EIF4E2: variants seen among roughly 807,000 people sequenced by gnomAD.
EIF4E2 encodes eukaryotic translation initiation factor 4E type 2.
A neutral mutation model predicts 34.2 loss-of-function variants in EIF4E2; 13 were observed. That is an observed-to-expected ratio of 0.38 (90% CI 0.25 to 0.60). The LOEUF (loss-of-function observed/expected upper bound fraction) is 0.60. Ranked by LOEUF, EIF4E2 falls within the 20% of genes least tolerant of loss-of-function variation. The pLI, the probability that EIF4E2 is intolerant of heterozygous loss-of-function variation, is 0.62. For missense variants in EIF4E2, 222 were observed against 315.1 expected (o/e 0.70, Z 2.24); for synonymous variants, 100 against 106.6 (o/e 0.94, Z 0.38).
At chr2:232,562,790 G>A (rs905734545) in intron 3 of EIF4E2, among the ~76,000 whole-genome samples, 1 of 152,206 alleles carries the variant, frequency 6.6e-6, no homozygotes, top group Non-Finnish European at 1.5e-5. Flanking sequence ...ATTCAACTAT[G>A]TTAGGGTGGA....
rs142557943 is a variant in EIF4E2 at position 232,564,239 on chromosome 2, C to T, written c.271-8C>T. 5.5e-4 allele frequency: 874 copies of T among 1,577,328 alleles called. 3 individuals carry two copies. The African/African-American group carries it at 0.011, about 19-fold the overall frequency. ...CATGTTTTTTACTCTGGGGTCTTCT[C>T]TCTGCAGGTGGAGCAGTTCTGGAGG... On this transcript the variant is annotated splice_polypyrimidine_tract_variant and splice_region_variant and intron_variant, in intron 3 of 6. Coordinates refer to ENST00000258416, the MANE Select transcript of EIF4E2 (RefSeq NM_004846.4).
At chr2:232,574,173 A>AG, downstream of EIF4E2, 1 of 1,323,984 alleles carries the variant, frequency 7.6e-7, no homozygotes, top group Non-Finnish European at 1.1e-6. Context: ...GGGCATCTGA[A>AG]GGGGGATGTG....
At chr2:232,579,997 G>A (rs963810451) in intron 6 of EIF4E2, among the ~76,000 whole-genome samples, 10 of 151,860 alleles carry the variant, frequency 6.6e-5, no homozygotes, top group African/African-American at 2.4e-4. Flanking sequence ...GGGTGGGACA[G>A]GAAAAGTCAC....
rs1269493060 is a variant in EIF4E2 at position 232,566,547 on chromosome 2, T to G, written c.376-282T>G. Among the ~76,000 whole-genome samples the G allele has an allele frequency of 1.3e-5, 2 of 152,220 alleles. No individual in the cohort carries two copies. The highest frequency in any genetic ancestry group is 2.9e-5 in the Non-Finnish European group (2 of 68,036). On this transcript the variant is annotated intron_variant, in intron 4 of 6. Coordinates refer to ENST00000258416, the MANE Select transcript of EIF4E2 (RefSeq NM_004846.4). The surrounding 1 kb of genome is among the most constrained non-coding windows in gnomAD (Gnocchi z 4.9). Reference sequence around the variant, plus strand: ...ATCTGTGCTTGAAATATGACATCATTTCGTTTTGATTCCTAAAGTATTTCC... The same window carrying G: ...ATCTGTGCTTGAAATATGACATCATGTCGTTTTGATTCCTAAAGTATTTCC...
exon 7 of EIF4E2, chr2:232,582,216 CAA>C (rs1292217522): frequency 6.6e-6 from 1 of 152,594 alleles, no homozygotes; most frequent in Non-Finnish European, 1.5e-5. Context: ...CTCTTGTGAG[CAA>C]AGACTGCAGT....
At position 232,581,262 on chromosome 2, in the gene EIF4E2, C is replaced by T. The variant is rs144031569; in HGVS notation, c.*319C>T. On this transcript the variant is annotated 3_prime_UTR_variant, in exon 7 of 7. Transcript: ENST00000409098. The surrounding 1 kb of genome is among the most constrained non-coding windows in gnomAD (Gnocchi z 5.2). ...CTTGGGCGTCCTGTTGTTCTCTTCC[C>T]GTGTTGTACGAAGGGTACCGTGGCC... 1.1e-5 allele frequency: 5 copies of T among 454,788 alleles called. No homozygotes were observed. Among genetic ancestry groups the T allele is most frequent in the Non-Finnish European group, 2.1e-5 (5 of 241,056 alleles). 28.2% of individuals were successfully genotyped at this position (454,788 alleles called of 1,614,324 possible). A position where few individuals can be genotyped will look rare whatever the true frequency, so the allele number is the denominator to read the frequency against.
At chr2:232,568,048 C>CA (rs1364809940) in intron 6 of EIF4E2, 1 of 983,824 alleles carries the variant, frequency 1.0e-6, no homozygotes, top group Non-Finnish European at 1.2e-6. Flanking sequence ...AAGTGGGAGA[C>CA]AGTACTTTAT....
At position 232,550,723 on chromosome 2, in the gene EIF4E2, G is replaced by A. The variant is rs1167763594; in HGVS notation, c.-2G>A. 3 of 1,586,034 alleles carry A rather than the reference G, an allele frequency of 1.9e-6. No homozygotes were observed. The African/African-American group carries it at 4.1e-5, about 22-fold the overall frequency. ...GGCAGTGGCGACAGCGGCGGCGAGA[G>A]GATGAACAACAAGTTCGACGCGTGA... On this transcript the variant is annotated 5_prime_UTR_variant, in exon 1 of 7. Coordinates refer to ENST00000258416, the MANE Select transcript of EIF4E2 (RefSeq NM_004846.4).
intron 6 of EIF4E2, among the ~76,000 whole-genome samples, chr2:232,574,642 C>G (rs1693166293): frequency 6.6e-6 from 1 of 152,170 alleles, no homozygotes; most frequent in African/African-American, 2.4e-5. Flanking sequence ...GCCACAGATG[C>G]TTTTTCTTTT....
chr2:232,575,038 A>C (rs1693177160), intron 6 of EIF4E2, among the ~76,000 whole-genome samples: 1 of 152,170 alleles, frequency 6.6e-6, no homozygotes, highest in South Asian at 2.1e-4. Flanking sequence ...TCTGAATGAG[A>C]GGAATGGATG....
At position 232,569,026 on chromosome 2, in the gene EIF4E2, C is replaced by G; in HGVS notation, c.*9C>G. The G allele has an allele frequency of 6.2e-7, 1 of 1,613,922 alleles. No individual in the cohort carries two copies. The highest frequency in any genetic ancestry group is 1.1e-5 in the South Asian group (1 of 90,966). On this transcript the variant is annotated 3_prime_UTR_variant, in exon 7 of 7. Coordinates refer to ENST00000258416, the MANE Select transcript of EIF4E2 (RefSeq NM_004846.4). Reference sequence around the variant, plus strand: ...GGTTGAATGTGCCATGACCCTCTCCCTCTCTGGATGGCACCATCATTGAAG... The same window carrying G: ...GGTTGAATGTGCCATGACCCTCTCCGTCTCTGGATGGCACCATCATTGAAG...
In EIF4E2 at chr2:232,551,977, C is replaced by T. The variant is rs74438609; in HGVS notation, c.20+1233C>T. On this transcript the variant is annotated intron_variant, in intron 1 of 6. Transcript: ENST00000258416. ...TCTACGAACCTCTCCCCCGCTGCCGCCCCATTTCATCTCTATTGTAAACCC... is the reference window on the plus strand; with the variant it reads ...TCTACGAACCTCTCCCCCGCTGCCGTCCCATTTCATCTCTATTGTAAACCC... Among the ~76,000 whole-genome samples, 409 of 152,242 alleles carry T rather than the reference C, an allele frequency of 2.7e-3. 3 individuals are homozygous for T. Among genetic ancestry groups the T allele is most frequent in the African/African-American group, 9.4e-3 (391 of 41,536 alleles).
intron 6 of EIF4E2, chr2:232,567,709 G>A (rs1025027680): frequency 8.0e-6 from 8 of 995,000 alleles, no homozygotes; most frequent in Middle Eastern, 5.1e-4. Context: ...AAGGGGGATA[G>A]TGTGTGTGTG....
rs181364155 is a variant in EIF4E2, at chr2:232,551,595, T to G, written c.20+851T>G. 2.0e-5 allele frequency among the ~76,000 whole-genome samples: 3 copies of G among 152,332 alleles called. No homozygotes were observed. In the East Asian group the frequency reaches 5.8e-4, roughly 29 times the overall value. On this transcript the variant is annotated intron_variant, in intron 1 of 6. Transcript: ENST00000258416. ...GACTGTAGAAAAGTTACCCAGCCTC[T>G]AAGCCATTGTTGCTCAAACCACATT... is the stretch of plus-strand genomic sequence containing the variant.
At chr2:232,568,562 G>C (rs1693013193) in intron 6 of EIF4E2, 1 of 985,296 alleles carries the variant, frequency 1.0e-6, no homozygotes, top group African/African-American at 1.7e-5. Flanking sequence ...TCGTTTTCAA[G>C]GTTTCTGAAT....
intron 1 of EIF4E2, among the ~76,000 whole-genome samples, chr2:232,554,528 A>G (rs1442329182): frequency 6.6e-6 from 1 of 152,132 alleles, no homozygotes; most frequent in African/African-American, 2.4e-5. Context: ...GATGTTGGTA[A>G]TTTTTAATCT....
At chr2:232,569,225 C>T, downstream of EIF4E2, 1 of 1,406,496 alleles carries the variant, frequency 7.1e-7, no homozygotes, top group Non-Finnish European at 9.2e-7. Flanking sequence ...GTCTCATGCT[C>T]TTGCTCTTTA....
chr2:232,563,407 G>T (rs1481371722), intron 3 of EIF4E2, among the ~76,000 whole-genome samples: 1 of 151,750 alleles, frequency 6.6e-6, no homozygotes, highest in Non-Finnish European at 1.5e-5. Context: ...TTTTTTTAAG[G>T]GGAGGGGGGG....
At chr2:232,570,751 A>G (rs565084915), downstream of EIF4E2, among the ~76,000 whole-genome samples, 1 of 152,336 alleles carries the variant, frequency 6.6e-6, no homozygotes, top group Non-Finnish European at 1.5e-5. Context: ...AGCCTGGCCA[A>G]CATGGTGAAA....
Sources: gnomAD v4.1 joint callset for allele counts (sites outside exome capture counted in the v4.1 genomes callset) on GRCh38, gnomAD v4.1.1 for gene constraint, Gnocchi (gnomAD v3.1) non-coding constraint, MANE v1.5 for transcripts, NCBI Gene and HGNC (gene_info 2026-07-23, HGNC 2026-07-21) for gene names.